TRIM37: variants seen among roughly 807,000 people sequenced by gnomAD.
The protein encoded by TRIM37 is E3 ubiquitin-protein ligase TRIM37.
TRIM37 carries 80 observed loss-of-function variants against 129.8 expected under a neutral mutation model. That is an observed-to-expected ratio of 0.62 (90% CI 0.51 to 0.74). TRIM37 has a LOEUF of 0.74. TRIM37 is among the 30% of genes least tolerant of loss of function. The probability of loss-of-function intolerance (pLI) is 0.00; values close to 1 mark genes in which losing one functional copy is unlikely to be tolerated. For synonymous variants in TRIM37, 389 were observed against 387.1 expected, an observed-to-expected ratio of 1.00 and a Z score of -0.06; for missense variants, 1,054 against 1,176.5, an observed-to-expected ratio of 0.90 and a Z score of 1.52.
intron 13 of TRIM37, among the ~76,000 whole-genome samples, chr17:59,056,452 G>A (rs1232927017): frequency 2.6e-5 from 4 of 151,864 alleles, no homozygotes; most frequent in African/African-American, 9.7e-5. Context: ...ATAAGGGGCC[G>A]GGCACGGTGG....
At chr17:59,084,456 A>G (rs1254321223) in intron 4 of TRIM37, among the ~76,000 whole-genome samples, 1 of 152,208 alleles carries the variant, frequency 6.6e-6, no homozygotes, top group African/African-American at 2.4e-5. Flanking sequence ...CTACATGAGC[A>G]TGCACAAGTA....
intron 17 of TRIM37, among the ~76,000 whole-genome samples, chr17:59,037,290 G>A (rs2038629454): frequency 6.6e-6 from 1 of 151,692 alleles, no homozygotes. Context: ...CAGGTGCAGT[G>A]GATCACACCT....
intron 22 of TRIM37, among the ~76,000 whole-genome samples, chr17:59,010,375 G>A (rs1054511421): frequency 6.6e-6 from 1 of 152,138 alleles, no homozygotes; most frequent in African/African-American, 2.4e-5. Flanking sequence ...AAATGGCAAT[G>A]GTGCAAAGGT....
chr17:59,047,660 C>T (rs747027974), intron 16 of TRIM37, 23 bp downstream of exon 16: 1 of 1,607,054 alleles, frequency 6.2e-7, no homozygotes, highest in East Asian at 2.2e-5. Context: ...AAATGCTTTA[C>T]AGTAGTAAAG....
chr17:59,058,665 C>T (rs2041195740), intron 12 of TRIM37, among the ~76,000 whole-genome samples: 1 of 152,064 alleles, frequency 6.6e-6, no homozygotes, highest in African/African-American at 2.4e-5. Flanking sequence ...TGAGACCAGC[C>T]TGGGCAACAT....
chr17:58,982,348 T>G (rs765402636), downstream of TRIM37: 1 of 152,282 alleles, frequency 6.6e-6, no homozygotes, highest in Non-Finnish European at 1.5e-5. Flanking sequence ...ATTCATTCAG[T>G]GAAGCAGCCT....
intron 2 of TRIM37, among the ~76,000 whole-genome samples, chr17:59,101,985 T>C (rs2045558632): frequency 6.6e-6 from 1 of 151,552 alleles, no homozygotes; most frequent in Non-Finnish European, 1.5e-5. Context: ...GGTATAAAGT[T>C]TCCAGTTTGA....
chr17:59,087,158 C>T (rs543961591), intron 4 of TRIM37, among the ~76,000 whole-genome samples: 2 of 152,198 alleles, frequency 1.3e-5, no homozygotes, highest in East Asian at 3.9e-4. Context: ...TGCAATGGCA[C>T]GATCTCGGCT....
In TRIM37 at chr17:58,999,472, A is replaced by C. The variant is rs1377953924; in HGVS notation, c.2813-13T>G. 1 of 1,595,374 alleles carries C rather than the reference A, an allele frequency of 6.3e-7. No individual in the cohort carries two copies. The highest frequency in any genetic ancestry group is 8.5e-7 in the Non-Finnish European group (1 of 1,169,936). On this transcript the variant is annotated splice_polypyrimidine_tract_variant and intron_variant, in intron 23 of 23. Transcript: ENST00000262294. ...CTGGAATGTGTATCTATGATTAAAAAATAAATAAAAAATTTAAAATTTAAA... is the reference window on the plus strand; with the variant it reads ...CTGGAATGTGTATCTATGATTAAAACATAAATAAAAAATTTAAAATTTAAA...
intron 2 of TRIM37, among the ~76,000 whole-genome samples, chr17:59,101,677 A>ATAT (rs1219166086): frequency 1.5e-4 from 15 of 101,510 alleles, no homozygotes; most frequent in Admixed American, 3.9e-4. Flanking sequence ...AAAAAAAAAA[A>ATAT]ATATATATAT....
intron 5 of TRIM37, among the ~76,000 whole-genome samples, chr17:59,083,782 G>A (rs2043516220): frequency 6.6e-6 from 1 of 152,118 alleles, no homozygotes; most frequent in Non-Finnish European, 1.5e-5. Flanking sequence ...ATGTTTTATA[G>A]GTGTTACAGA....
chr17:59,028,685 G>C lies in TRIM37; in HGVS notation c.1987C>G (p.Gln663Glu). The C allele has an allele frequency of 6.2e-7, 1 of 1,614,174 alleles. No homozygotes were observed. Among genetic ancestry groups the C allele is most frequent in the South Asian group, 1.1e-5 (1 of 91,076 alleles). ...TCAGAGGGCACTCGCCACATTGCCT[G>C]TTGCTTCCTTTGGTCTTTATCTTTT... The part of the protein sequence containing the change: ...SRKDKDQRKQ[Q>E]AMWRVPSDLK... The change falls in exon 19 of 24, where the codon CAG becomes GAG. Residue 663 changes from glutamine to glutamate, a missense_variant. Physicochemically the swap from Gln to Glu is conservative, Grantham distance 29 (BLOSUM62 2). Coordinates refer to ENST00000262294, the MANE Select transcript of TRIM37 (RefSeq NM_015294.6).
Position 59,012,360 on chromosome 17 carries a change from A to G in TRIM37, c.2663T>C (p.Leu888Pro), listed in dbSNP as rs750004458. Reference sequence around the variant, plus strand: ...AGGGGCAGCTGAAGCTCCTTCAGGTAGTACAGGCTGTAACTCTCCAGTTTC... The same window carrying G: ...AGGGGCAGCTGAAGCTCCTTCAGGTGGTACAGGCTGTAACTCTCCAGTTTC... ...NSETGELQPV[L>P]PEGASAAPEE... The change falls in exon 22 of 24, where the codon CTA becomes CCA. Residue 888 changes from leucine (L) to proline (P), a missense_variant. Coordinates refer to ENST00000262294, the MANE Select transcript of TRIM37 (RefSeq NM_015294.6). The G allele has an allele frequency of 1.2e-6, 2 of 1,613,014 alleles. No homozygotes were observed. The highest frequency in any genetic ancestry group is 2.2e-5 in the East Asian group (1 of 44,886).
intron 16 of TRIM37, among the ~76,000 whole-genome samples, chr17:59,045,261 G>A (rs1384254084): frequency 1.3e-5 from 2 of 151,976 alleles, no homozygotes; most frequent in Non-Finnish European, 2.9e-5. Context: ...TCCAGAAGGC[G>A]GAGCTTGCAG....
At chr17:59,064,686 A>G (rs1402844415) in intron 9 of TRIM37, among the ~76,000 whole-genome samples, 1 of 152,194 alleles carries the variant, frequency 6.6e-6, no homozygotes, top group African/African-American at 2.4e-5. Context: ...AGGTGGGTGG[A>G]TCATCTGAGG....
intron 18 of TRIM37, among the ~76,000 whole-genome samples, chr17:59,029,424 T>C (rs1217360211): frequency 7.2e-5 from 11 of 152,184 alleles, no homozygotes; most frequent in Non-Finnish European, 1.0e-4. Context: ...AGTCCTTTCA[T>C]AGAATGGACC....
chr17:59,081,443 C>T (rs1056509007), intron 5 of TRIM37, among the ~76,000 whole-genome samples: 1 of 152,180 alleles, frequency 6.6e-6, no homozygotes, highest in Non-Finnish European at 1.5e-5. Flanking sequence ...GCAAAATATT[C>T]ATTTAACTAG....
rs1381170259 is a variant in TRIM37 at position 58,986,153 on chromosome 17, G to A, written c.2892-3232C>T. ...GTCTGTACTGACAAGCTGCATAACT[G>A]AGCATTCCCCCCCACACCCGCCCCC... On this transcript the variant is annotated intron_variant, in intron 24 of 24. Transcript: ENST00000393066. Among the ~76,000 whole-genome samples, 6 of 151,920 alleles carry A rather than the reference G, an allele frequency of 3.9e-5. No individual in the cohort carries two copies. The East Asian group carries it at 9.7e-4, about 24-fold the overall frequency.
intron 8 of TRIM37, among the ~76,000 whole-genome samples, chr17:59,071,831 T>C (rs1366723025): frequency 6.6e-6 from 1 of 152,230 alleles, no homozygotes; most frequent in East Asian, 1.9e-4. Flanking sequence ...TGCCACTGAC[T>C]AATTACATAA....
Sources: allele counts gnomAD v4.1 joint callset (sites outside exome capture counted in the v4.1 genomes callset), GRCh38; gene constraint gnomAD v4.1.1; transcripts MANE v1.5; gene names NCBI Gene and HGNC (gene_info 2026-07-23, HGNC 2026-07-21).